CHL1: variants seen among roughly 807,000 people sequenced by gnomAD.
CHL1 encodes neural cell adhesion molecule L1-like protein.
Under a neutral mutation model 141.9 loss-of-function variants are expected in CHL1, and 96 were observed. That is an observed-to-expected ratio of 0.68 (90% CI 0.57 to 0.80). The LOEUF is 0.80. CHL1 is among the 30% of genes least tolerant of loss of function. The pLI, the probability that CHL1 is intolerant of heterozygous loss-of-function variation, is 0.00. For missense variants in CHL1, 1,820 were observed against 1,457.2 expected, an observed-to-expected ratio of 1.25 and a Z score of -4.05; for synonymous variants, 613 against 502.2, an observed-to-expected ratio of 1.22 and a Z score of -2.95.
At chr3:337,185 GTT>G (rs1159691986) in intron 5 of CHL1, among the ~76,000 whole-genome samples, 3 of 81,130 alleles carry the variant, frequency 3.7e-5, no homozygotes, top group Non-Finnish European at 7.3e-5. Context: ...ACATTCTTTT[GTT>G]TTTGTTTTTT....
At chr3:360,809 T>C (rs1474198761) in intron 12 of CHL1, among the ~76,000 whole-genome samples, 5 of 143,216 alleles carry the variant, frequency 3.5e-5, no homozygotes, top group Non-Finnish European at 6.0e-5. Flanking sequence ...ATCTCATTGT[T>C]CAATTCCCAC....
chr3:342,153 G>A, intron 7 of CHL1, 71 bp downstream of exon 7: 1 of 1,403,426 alleles, frequency 7.1e-7, no homozygotes, highest in Non-Finnish European at 9.8e-7. Context: ...CCTTCTGGCT[G>A]AAGCCATTTA....
chr3:317,388 G>C (rs1397481645), intron 2 of CHL1, among the ~76,000 whole-genome samples: 1 of 151,820 alleles, frequency 6.6e-6, no homozygotes, highest in Non-Finnish European at 1.5e-5. Flanking sequence ...CACTTATTTG[G>C]CTATCTAGTT....
intron 2 of CHL1, among the ~76,000 whole-genome samples, chr3:285,181 C>G (rs188935994): frequency 6.6e-6 from 1 of 152,252 alleles, no homozygotes; most frequent in East Asian, 1.9e-4. Context: ...TGGATCAAGT[C>G]AAAACTGGAA....
intron 15 of CHL1, among the ~76,000 whole-genome samples, chr3:366,906 G>A (rs1704972104): frequency 6.6e-6 from 1 of 152,158 alleles, no homozygotes; most frequent in African/African-American, 2.4e-5. Flanking sequence ...CAGAGAAGAT[G>A]GCATCCATTT....
At chr3:286,078 G>A (rs1697109491) in intron 2 of CHL1, among the ~76,000 whole-genome samples, 1 of 152,006 alleles carries the variant, frequency 6.6e-6, no homozygotes, top group African/African-American at 2.4e-5. Flanking sequence ...TCATAATTCT[G>A]ATTCCAAGTT....
At chr3:360,926 A>G (rs1368397857) in intron 12 of CHL1, among the ~76,000 whole-genome samples, 1 of 150,940 alleles carries the variant, frequency 6.6e-6, no homozygotes, top group Admixed American at 6.6e-5. Flanking sequence ...TGAACTCATC[A>G]TTTTTTATGG....
chr3:198,927 G>C (rs1297613726), intron 1 of CHL1, among the ~76,000 whole-genome samples: 1 of 152,228 alleles, frequency 6.6e-6, no homozygotes, highest in Non-Finnish European at 1.5e-5. Context: ...TATATTGATG[G>C]AGAGAGAAGC....
chr3:365,866 A>G (rs146965526), intron 14 of CHL1, 84 bp from the exon 15 acceptor site: 2 of 1,028,528 alleles, frequency 1.9e-6, no homozygotes, highest in African/African-American at 3.2e-5. Flanking sequence ...TATGGTGACA[A>G]TTTGGGTTAC....
intron 1 of CHL1, chr3:197,680 C>CGTGGGGTT (rs796800854): frequency 9.9e-6 from 4 of 404,100 alleles, no homozygotes; most frequent in African/African-American, 8.4e-5. Flanking sequence ...ATCCATGGAC[C>CGTGGGGTT]GTGGGGTTGT....
At position 235,280 on chromosome 3, in the gene CHL1, T is replaced by C. The variant is rs1691856206; in HGVS notation, c.-174-9333T>C. ...GCAATATTTAAGGTTATCAAAATTA[T>C]AAAGCTCCATCCTGGAGAAATGGTC... On this transcript the variant is annotated intron_variant, in intron 1 of 27. Coordinates refer to ENST00000256509, the MANE Select transcript of CHL1 (RefSeq NM_006614.4). Among the ~76,000 whole-genome samples, 3 of 152,090 alleles carry C rather than the reference T, an allele frequency of 2.0e-5. No individual in the cohort carries two copies. The South Asian group carries it at 6.2e-4, about 31-fold the overall frequency.
chr3:219,246 G>A (rs1054129309), intron 1 of CHL1, among the ~76,000 whole-genome samples: 5 of 152,088 alleles, frequency 3.3e-5, no homozygotes, highest in Admixed American at 6.5e-5. Context: ...TAGGTCAACC[G>A]TTGTAGAAGA....
chr3:281,012 GT>G lies in CHL1; in HGVS notation c.-95+36322del, dbSNP rs201244281. ...TCTAACCCAGTAATTCCCAACTGGG[GT>G]TATTTTTTTCCCCTAGGGGACATCT... On this transcript the variant is annotated intron_variant, in intron 2 of 27. Transcript: ENST00000256509. Among the ~76,000 whole-genome samples the G allele has an allele frequency of 6.8e-3, 1,040 of 152,056 alleles. 11 individuals are homozygous for G. Among genetic ancestry groups the G allele is most frequent in the African/African-American group, 0.024 (980 of 41,464 alleles).
At chr3:276,699 C>T (rs1173122389) in intron 2 of CHL1, among the ~76,000 whole-genome samples, 2 of 151,776 alleles carry the variant, frequency 1.3e-5, no homozygotes, top group Non-Finnish European at 2.9e-5. Flanking sequence ...ACCGTCCTGG[C>T]TAACAGGGTG....
chr3:281,157 G>A (rs1188078196), intron 2 of CHL1, among the ~76,000 whole-genome samples: 1 of 152,088 alleles, frequency 6.6e-6, no homozygotes, highest in Non-Finnish European at 1.5e-5. Flanking sequence ...TCACAACAAG[G>A]AATTATTCAG....
At chr3:314,413 A>G (rs1700013138) in intron 2 of CHL1, among the ~76,000 whole-genome samples, 1 of 137,728 alleles carries the variant, frequency 7.3e-6, no homozygotes, top group Non-Finnish European at 1.5e-5. Context: ...TGTTTATTCT[A>G]TCTCTTCTAC....
chr3:309,483 C>T (rs951425329), intron 2 of CHL1, among the ~76,000 whole-genome samples: 2 of 148,128 alleles, frequency 1.4e-5, no homozygotes, highest in Non-Finnish European at 3.0e-5. Flanking sequence ...CTCTCTCTCT[C>T]TCTTTCTTTC....
chr3:354,202 G>T (rs945110628), intron 10 of CHL1, among the ~76,000 whole-genome samples: 2 of 151,988 alleles, frequency 1.3e-5, no homozygotes, highest in Non-Finnish European at 2.9e-5. Context: ...ATTTTAATTA[G>T]TTTTATTTTT....
At chr3:329,373 A>G (rs1224005308) in intron 5 of CHL1, among the ~76,000 whole-genome samples, 1 of 152,054 alleles carries the variant, frequency 6.6e-6, no homozygotes, top group Non-Finnish European at 1.5e-5. Context: ...AGAAAAACAA[A>G]TGATGAATCT....
Sources: allele counts gnomAD v4.1 joint callset (sites outside exome capture counted in the v4.1 genomes callset), GRCh38; gene constraint gnomAD v4.1.1; transcripts MANE v1.5; gene names NCBI Gene and HGNC (gene_info 2026-07-23, HGNC 2026-07-21).